PCDHGA4: variants seen among roughly 807,000 people sequenced by gnomAD.
PCDHGA4 encodes protocadherin gamma-A4.
PCDHGA4 carries 38 observed loss-of-function variants against 54.6 expected under a neutral mutation model. The observed-to-expected ratio is 0.70, with a 90% CI of 0.54 to 0.91. The LOEUF is 0.91. Ranked by LOEUF, PCDHGA4 falls within the 40% of genes least tolerant of loss-of-function variation. The probability of loss-of-function intolerance (pLI) is 0.00; values close to 1 mark genes in which losing one functional copy is unlikely to be tolerated. For synonymous variants in PCDHGA4, 511 were observed against 512.9 expected (o/e 1.00, Z 0.05); for missense variants, 1,298 against 1,220.9 (o/e 1.06, Z -0.94).
chr5:141,427,229 G>A (rs1377470019), intron 1 of PCDHGA4: 3 of 456,628 alleles, frequency 6.6e-6, no homozygotes, highest in Non-Finnish European at 1.3e-5. Context: ...GTTATACCAT[G>A]AGAGTAGAAG....
At chr5:141,375,644 G>T (rs762047740) in intron 1 of PCDHGA4, 5 of 1,614,180 alleles carry the variant, frequency 3.1e-6, no homozygotes, top group Non-Finnish European at 4.2e-6. Context: ...GCGCTCCTTC[G>T]ACTATGAGCA....
At chr5:141,389,513 C>T (rs749432491) in intron 1 of PCDHGA4, 3 of 1,613,156 alleles carry the variant, frequency 1.9e-6, no homozygotes, top group South Asian at 1.1e-5. Context: ...TCAGCGCGAA[C>T]GTGAGCCTGC....
intron 1 of PCDHGA4, chr5:141,371,951 C>A: frequency 6.2e-7 from 1 of 1,613,306 alleles, no homozygotes; most frequent in Non-Finnish European, 8.5e-7. Flanking sequence ...CGCAGCGAGC[C>A]TTCGACCACG....
intron 1 of PCDHGA4, chr5:141,421,255 C>A (rs759899934): frequency 1.9e-6 from 3 of 1,607,644 alleles, no homozygotes; most frequent in Non-Finnish European, 2.5e-6. Context: ...GCGCGGGGAC[C>A]GCAGTCGGCT....
intron 1 of PCDHGA4, chr5:141,410,703 C>G (rs763776263): frequency 1.1e-5 from 16 of 1,467,494 alleles, no homozygotes; most frequent in Non-Finnish European, 9.1e-7. Flanking sequence ...ATTTTCATAT[C>G]TAGAATCATA....
intron 1 of PCDHGA4, among the ~76,000 whole-genome samples, chr5:141,402,771 G>A (rs2094306356): frequency 6.6e-6 from 1 of 152,218 alleles, no homozygotes; most frequent in African/African-American, 2.4e-5. Context: ...ACTCCATCCG[G>A]ATTTCCAGTT....
In PCDHGA4 at chr5:141,429,386, T is replaced by A. The variant is rs534045300; in HGVS notation, c.2515-65421T>A. Among the ~76,000 whole-genome samples the A allele has an allele frequency of 4.0e-3, 602 of 151,936 alleles. 6 individuals carry two copies. The highest frequency in any genetic ancestry group is 0.011 in the Admixed American group (171 of 15,268). On this transcript the variant is annotated intron_variant, in intron 1 of 3. Coordinates refer to ENST00000571252, the MANE Select transcript of PCDHGA4 (RefSeq NM_018917.4). ...AAAATGGAGAAAATGTGTTTTTTTTTTAAAAAAAATTGAGATTAAGGTCTC... is the reference window on the plus strand; with the variant it reads ...AAAATGGAGAAAATGTGTTTTTTTTATAAAAAAAATTGAGATTAAGGTCTC...
At position 141,491,856 on chromosome 5, in the gene PCDHGA4, C is replaced by T; in HGVS notation, c.2515-2951C>T. 1.4e-6 allele frequency: 2 copies of T among 1,458,728 alleles called. No individual in the cohort carries two copies. Among genetic ancestry groups the T allele is most frequent in the Non-Finnish European group, 1.8e-6 (2 of 1,103,072 alleles). 90.4% of individuals were successfully genotyped at this position (1,458,728 alleles called of 1,614,324 possible). A position where few individuals can be genotyped will look rare whatever the true frequency, so the allele number is the denominator to read the frequency against. ...TCTCGGGATCATTGGACCGTTTGCG[C>T]GAAACCAGAGTGGCCGATTAAGGGA... On this transcript the variant is annotated intron_variant, in intron 1 of 3. Coordinates refer to ENST00000571252, the MANE Select transcript of PCDHGA4 (RefSeq NM_018917.4). The surrounding 1 kb of genome is among the most constrained non-coding windows in gnomAD (Gnocchi z 6.9).
chr5:141,368,483 A>G (rs1235581862), intron 1 of PCDHGA4, among the ~76,000 whole-genome samples: 1 of 152,210 alleles, frequency 6.6e-6, no homozygotes. Context: ...GAGTAACAAG[A>G]GAATCTATAC....
intron 1 of PCDHGA4, chr5:141,430,857 A>T: frequency 6.3e-7 from 1 of 1,591,434 alleles, no homozygotes; most frequent in Non-Finnish European, 8.5e-7. Flanking sequence ...CAGATACGCT[A>T]TTCAGTTCCG....
In PCDHGA4 at chr5:141,510,932, CCT is replaced by C. The variant is rs753455267; in HGVS notation, c.2663-12_2663-11del. 6 of 1,613,998 alleles carry C rather than the reference CCT, an allele frequency of 3.7e-6. No homozygotes were observed. The highest frequency in any genetic ancestry group is 1.1e-5 in the South Asian group (1 of 91,082). ...CTAAGTTTAGCTCCCACCTGATCTTCCTCTGTCTCTGCAGAAGCTGCTGATGG... is the reference window on the plus strand; with the variant it reads ...CTAAGTTTAGCTCCCACCTGATCTTCCTGTCTCTGCAGAAGCTGCTGATGG... On this transcript the variant is annotated splice_polypyrimidine_tract_variant and intron_variant, in intron 3 of 3. Coordinates refer to ENST00000571252, the MANE Select transcript of PCDHGA4 (RefSeq NM_018917.4).
chr5:141,369,438 G>A (rs1766245729), intron 1 of PCDHGA4, among the ~76,000 whole-genome samples: 3 of 152,098 alleles, frequency 2.0e-5, no homozygotes, highest in African/African-American at 7.2e-5. Flanking sequence ...ACGCTGAGGT[G>A]GGAGGATTGC....
intron 2 of PCDHGA4, among the ~76,000 whole-genome samples, chr5:141,500,020 T>A (rs905529317): frequency 6.6e-6 from 1 of 151,918 alleles, no homozygotes; most frequent in Non-Finnish European, 1.5e-5. Flanking sequence ...ACATTTTATA[T>A]TTGAGTGAGT....
chr5:141,428,065 C>T lies in PCDHGA4; in HGVS notation c.2515-66742C>T, dbSNP rs1028782772. 6 of 1,609,086 alleles carry T rather than the reference C, an allele frequency of 3.7e-6. No individual in the cohort carries two copies. The African/African-American group carries it at 6.7e-5, about 18-fold the overall frequency. ...GTGACCAAGGTGGTGGCGGTGGACGCAGATTCGGGACACAACGCTTGGCTG... is the reference window on the plus strand; with the variant it reads ...GTGACCAAGGTGGTGGCGGTGGACGTAGATTCGGGACACAACGCTTGGCTG... On this transcript the variant is annotated intron_variant, in intron 1 of 3. Coordinates refer to ENST00000571252, the MANE Select transcript of PCDHGA4 (RefSeq NM_018917.4).
Position 141,355,399 on chromosome 5 carries a change from G to T in PCDHGA4, c.292G>T (p.Val98Phe). Reference sequence around the variant, plus strand: ...GCTGGCGGAGCGCGGAGTCCGCATCGTCTCCAGAGGTAGGACGCAGCTTTT... The same window carrying T: ...GCTGGCGGAGCGCGGAGTCCGCATCTTCTCCAGAGGTAGGACGCAGCTTTT... ...RELAERGVRI[V>F]SRGRTQLFAL... Residue 98 changes from valine to phenylalanine, a missense_variant, in exon 1 of 4, where the codon GTC becomes TTC. Val to Phe is a conservative substitution (Grantham distance 50, BLOSUM62 -1). Coordinates refer to ENST00000571252, the MANE Select transcript of PCDHGA4 (RefSeq NM_018917.4). The T allele has an allele frequency of 6.2e-7, 1 of 1,614,086 alleles. No individual in the cohort carries two copies. Among genetic ancestry groups the T allele is most frequent in the Non-Finnish European group, 8.5e-7 (1 of 1,179,922 alleles).
intron 1 of PCDHGA4, among the ~76,000 whole-genome samples, chr5:141,459,035 A>T (rs1404092581): frequency 6.6e-6 from 1 of 152,218 alleles, no homozygotes; most frequent in Non-Finnish European, 1.5e-5. Context: ...ATCCAGCCTT[A>T]CCAGCTATAT....
At chr5:141,394,861 A>G in intron 1 of PCDHGA4, 1 of 1,613,390 alleles carries the variant, frequency 6.2e-7, no homozygotes. Flanking sequence ...CCTTCGGTCG[A>G]CCCGAACGAT....
intron 1 of PCDHGA4, chr5:141,413,845 C>G: frequency 6.2e-7 from 1 of 1,613,242 alleles, no homozygotes. Flanking sequence ...CGGGGGTGAC[C>G]CTCTCCGATC....
Position 141,398,834 on chromosome 5 carries a change from A to G in PCDHGA4, c.2514+41213A>G, listed in dbSNP as rs201953825. On this transcript the variant is annotated intron_variant, in intron 1 of 3. Transcript: ENST00000571252. Reference sequence around the variant, plus strand: ...CTCCGGATCCAGGTAACCGACGCCAATGATAATCCCCCGGTATTCAACCGA... The same window carrying G: ...CTCCGGATCCAGGTAACCGACGCCAGTGATAATCCCCCGGTATTCAACCGA... The G allele has an allele frequency of 3.9e-4, 623 of 1,614,014 alleles. 4 individuals are homozygous for G. In the South Asian group the frequency reaches 4.2e-3, roughly 11 times the overall value.
Sources: gnomAD v4.1 joint callset for allele counts (sites outside exome capture counted in the v4.1 genomes callset) on GRCh38, gnomAD v4.1.1 for gene constraint, Gnocchi (gnomAD v3.1) non-coding constraint, MANE v1.5 for transcripts, NCBI Gene and HGNC (gene_info 2026-07-23, HGNC 2026-07-21) for gene names.